GRM1: variants seen among roughly 807,000 people sequenced by gnomAD.
GRM1 encodes metabotropic glutamate receptor 1.
Under a neutral mutation model 90.9 loss-of-function variants are expected in GRM1, and 33 were observed. The ratio of observed to expected loss-of-function variants is 0.36; its 90% confidence interval spans 0.28 to 0.49. The LOEUF (loss-of-function observed/expected upper bound fraction) is 0.49. GRM1 is among the 20% of genes least tolerant of loss of function. The pLI is 0.99. For synonymous variants in GRM1, 700 were observed against 613.2 expected, an observed-to-expected ratio of 1.14 and a Z score of -2.09; for missense variants, 1,190 against 1,534.3, an observed-to-expected ratio of 0.78 and a Z score of 3.75.
chr6:146,082,067 T>C (rs1362489515), intron 1 of GRM1, among the ~76,000 whole-genome samples: 4 of 152,152 alleles, frequency 2.6e-5, no homozygotes, highest in Non-Finnish European at 4.4e-5. Context: ...TTCTTCATAA[T>C]GCTGCTTTGA....
intron 1 of GRM1, among the ~76,000 whole-genome samples, chr6:146,091,754 A>C (rs1050021132): frequency 6.6e-5 from 10 of 152,102 alleles, no homozygotes; most frequent in African/African-American, 2.2e-4. Flanking sequence ...ATTGTGAAAA[A>C]GTCTATCTGA....
At chr6:146,068,262 C>T (rs564837623) in intron 1 of GRM1, among the ~76,000 whole-genome samples, 5 of 152,074 alleles carry the variant, frequency 3.3e-5, no homozygotes, top group Admixed American at 1.3e-4. Context: ...TACAGGCGCC[C>T]GCCACCTCGC....
intron 2 of GRM1, among the ~76,000 whole-genome samples, chr6:146,257,975 T>C (rs1781549316): frequency 7.0e-6 from 1 of 143,750 alleles, no homozygotes; most frequent in Non-Finnish European, 1.5e-5. Flanking sequence ...TTTCCATCCG[T>C]TTGTTCTTCC....
intron 1 of GRM1, among the ~76,000 whole-genome samples, chr6:146,111,017 T>C (rs528658277): frequency 6.6e-6 from 1 of 152,324 alleles, no homozygotes; most frequent in South Asian, 2.1e-4. Flanking sequence ...GTAAAGTACA[T>C]GAGTCCATAC....
At chr6:146,275,532 C>G (rs1782324657) in intron 2 of GRM1, among the ~76,000 whole-genome samples, 1 of 152,012 alleles carries the variant, frequency 6.6e-6, no homozygotes, top group African/African-American at 2.4e-5. Context: ...CTCTGTCTCT[C>G]TCTCCCCCTA....
At chr6:146,239,930 G>A (rs1002553511) in intron 2 of GRM1, among the ~76,000 whole-genome samples, 1 of 152,162 alleles carries the variant, frequency 6.6e-6, no homozygotes, top group East Asian at 1.9e-4. Flanking sequence ...TGAGAACCAC[G>A]AGGTCATGAG....
At chr6:146,117,161 T>TA (rs1329092323) in intron 1 of GRM1, among the ~76,000 whole-genome samples, 44 of 151,396 alleles carry the variant, frequency 2.9e-4, no homozygotes, top group African/African-American at 6.7e-4. Context: ...TTTATTTATT[T>TA]TTTTTTTAGT....
chr6:146,037,621 G>T (rs1042243483), intron 1 of GRM1, among the ~76,000 whole-genome samples: 8 of 151,824 alleles, frequency 5.3e-5, no homozygotes, highest in African/African-American at 1.9e-4. Flanking sequence ...AACTCACTCT[G>T]CTGTTAGTCT....
At chr6:146,162,038 C>T (rs913172550) in intron 2 of GRM1, among the ~76,000 whole-genome samples, 3 of 152,164 alleles carry the variant, frequency 2.0e-5, no homozygotes, top group Non-Finnish European at 4.4e-5. Flanking sequence ...CTCATGTCAG[C>T]AGACATGTCC....
chr6:146,041,800 T>G (rs578031539), intron 1 of GRM1, among the ~76,000 whole-genome samples: 1 of 152,130 alleles, frequency 6.6e-6, no homozygotes, highest in Non-Finnish European at 1.5e-5. Context: ...GTGAGGAAGA[T>G]GGAAGGCATA....
At chr6:146,198,632 T>C (rs1235848648) in intron 2 of GRM1, among the ~76,000 whole-genome samples, 1 of 152,162 alleles carries the variant, frequency 6.6e-6, no homozygotes, top group East Asian at 1.9e-4. Flanking sequence ...GAGACTTATT[T>C]ATTACTTGGT....
intron 5 of GRM1, among the ~76,000 whole-genome samples, chr6:146,381,181 T>C (rs1241616210): frequency 2.0e-5 from 3 of 152,172 alleles, no homozygotes; most frequent in African/African-American, 7.2e-5. Context: ...TGGGCCTAGT[T>C]CAGCCCTAGG....
chr6:146,178,553 G>T (rs1319037717), intron 2 of GRM1, among the ~76,000 whole-genome samples: 1 of 152,102 alleles, frequency 6.6e-6, no homozygotes, highest in Non-Finnish European at 1.5e-5. Context: ...ATAATTTTGT[G>T]CATGAAACAA....
intron 1 of GRM1, among the ~76,000 whole-genome samples, chr6:146,092,044 C>T (rs1030092531): frequency 2.0e-5 from 3 of 152,006 alleles, no homozygotes; most frequent in Non-Finnish European, 4.4e-5. Flanking sequence ...TTTCCCATTC[C>T]CCGAATGTCT....
At chr6:146,237,469 T>C (rs561378344) in intron 2 of GRM1, among the ~76,000 whole-genome samples, 1 of 146,600 alleles carries the variant, frequency 6.8e-6, no homozygotes, top group African/African-American at 2.7e-5. Context: ...TTACAAATAG[T>C]TATTTGTAAA....
At chr6:146,377,715 A>G (rs1406353865) in intron 5 of GRM1, among the ~76,000 whole-genome samples, 1 of 152,176 alleles carries the variant, frequency 6.6e-6, no homozygotes, top group Non-Finnish European at 1.5e-5. Flanking sequence ...TCAACAGGCC[A>G]TGTGAGATAC....
intron 2 of GRM1, among the ~76,000 whole-genome samples, chr6:146,215,465 A>G (rs1779837375): frequency 6.6e-6 from 1 of 152,092 alleles, no homozygotes; most frequent in Non-Finnish European, 1.5e-5. Context: ...TGCCTCCCCA[A>G]AAAACTTGCC....
chr6:146,223,617 A>T (rs527262873), intron 2 of GRM1, among the ~76,000 whole-genome samples: 1 of 152,138 alleles, frequency 6.6e-6, no homozygotes, highest in East Asian at 1.9e-4. Flanking sequence ...TTTCAGGAAT[A>T]TCACTAAAAT....
chr6:146,287,176 G>A lies in GRM1; in HGVS notation c.951-17435G>A, dbSNP rs527951036. ...AGGAGTTTCTTTGTAACGGAAAGAG[G>A]AGTTTTCTGTAATAAGTAGGGTTTA... is the stretch of plus-strand genomic sequence containing the variant. On this transcript the variant is annotated intron_variant, in intron 2 of 7. Coordinates refer to ENST00000282753, the MANE Select transcript of GRM1 (RefSeq NM_001278064.2). 2.6e-5 allele frequency among the ~76,000 whole-genome samples: 4 copies of A among 152,256 alleles called. No homozygotes were observed. The South Asian group carries it at 8.3e-4, about 32-fold the overall frequency.
Sources: gnomAD v4.1 joint callset for allele counts (sites outside exome capture counted in the v4.1 genomes callset) on GRCh38, gnomAD v4.1.1 for gene constraint, MANE v1.5 for transcripts, NCBI Gene and HGNC (gene_info 2026-07-23, HGNC 2026-07-21) for gene names.